The following ANKK1 variants were observed in gnomAD, a reference collection of about 807,000 sequenced individuals.
ANKK1 encodes ankyrin repeat and protein kinase domain-containing protein 1.
Under a neutral mutation model 37.6 loss-of-function variants are expected in ANKK1, and 37 were observed. The observed-to-expected ratio is 0.98, with a 90% CI of 0.76 to 1.29. The LOEUF (loss-of-function observed/expected upper bound fraction) is 1.29. ANKK1 is among the 50% of genes most tolerant of loss of function. The pLI is 0.00. For missense variants in ANKK1, 1,019 were observed against 990.6 expected, an observed-to-expected ratio of 1.03 and a Z score of -0.39; for synonymous variants, 415 against 418.7, an observed-to-expected ratio of 0.99 and a Z score of 0.11.
At chr11:113,393,810 C>G in intron 2 of ANKK1, 35 bp downstream of exon 2, 2 of 1,553,912 alleles carry the variant, frequency 1.3e-6, no homozygotes. Context: ...CTCCCTTTCA[C>G]TTGAGGGTTG....
intron 4 of ANKK1, among the ~76,000 whole-genome samples, chr11:113,395,638 C>T (rs1166354837): frequency 6.6e-6 from 1 of 152,218 alleles, no homozygotes; most frequent in African/African-American, 2.4e-5. Flanking sequence ...CCAGCCCATG[C>T]TTGGTGGCTC....
At chr11:113,388,092 C>G (rs768361670) in intron 1 of ANKK1, 23 bp downstream of exon 1, 2 of 1,451,596 alleles carry the variant, frequency 1.4e-6, no homozygotes, top group Admixed American at 2.4e-5. Context: ...TCGCCCTCCC[C>G]TTTCTCGGAG....
intron 1 of ANKK1, among the ~76,000 whole-genome samples, chr11:113,389,104 C>T (rs1449679588): frequency 3.3e-5 from 5 of 152,306 alleles, no homozygotes; most frequent in Non-Finnish European, 1.5e-5. Flanking sequence ...ACCTTCCTCC[C>T]TCAACATCTG....
chr11:113,395,187 C>A, intron 3 of ANKK1, 107 bp downstream of exon 3: 1 of 1,505,600 alleles, frequency 6.6e-7, no homozygotes, highest in South Asian at 1.3e-5. Flanking sequence ...GGCATGAGGT[C>A]TGGCCCAAGG....
intron 1 of ANKK1, 90 bp from the exon 2 acceptor site, chr11:113,393,391 T>A: frequency 7.1e-7 from 1 of 1,403,050 alleles, no homozygotes. Context: ...GTCCCCACAG[T>A]CTGGCATCAT....
chr11:113,394,686 T>C (rs1431921746), intron 2 of ANKK1: 1 of 649,952 alleles, frequency 1.5e-6, no homozygotes, highest in Non-Finnish European at 2.8e-6. Flanking sequence ...GTGCTCACAA[T>C]AGCACTGTGA....
intron 1 of ANKK1, among the ~76,000 whole-genome samples, chr11:113,390,948 T>C (rs527305283): frequency 6.6e-6 from 1 of 152,174 alleles, no homozygotes; most frequent in Non-Finnish European, 1.5e-5. Context: ...GGTTGAGAAG[T>C]CTGATTTTCC....
intron 5 of ANKK1, 118 bp downstream of exon 5, chr11:113,396,340 G>T: frequency 8.3e-7 from 1 of 1,207,592 alleles, no homozygotes; most frequent in Non-Finnish European, 1.1e-6. Flanking sequence ...GGCCTAGAAG[G>T]ACTTTTTTTT....
At chr11:113,398,307 G>A (rs1247178449) in intron 7 of ANKK1, among the ~76,000 whole-genome samples, 1 of 114,428 alleles carries the variant, frequency 8.7e-6, no homozygotes. Context: ...AGAATTGCTC[G>A]GGAAATTAAA....
In ANKK1 at chr11:113,400,068, C is replaced by A. The variant is rs918149045; in HGVS notation, c.2099C>A (p.Ala700Asp). The A allele has an allele frequency of 6.2e-7, 1 of 1,613,558 alleles. No homozygotes were observed. The highest frequency in any genetic ancestry group is 8.5e-7 in the Non-Finnish European group (1 of 1,179,834). Reference protein sequence around the residue: ...KVGWTPAHLAALKGNTAILKV... With the variant: ...KVGWTPAHLADLKGNTAILKV... The stretch of plus-strand genomic sequence containing the variant: ...GGCTGGACACCCGCCCACCTGGCCG[C>A]CCTCAAGGGCAACACAGCCATCCTC... The change falls in exon 8 of 8, where the codon GCC becomes GAC. Residue 700 changes from alanine to aspartate, a missense_variant. Coordinates refer to ENST00000303941, the MANE Select transcript of ANKK1 (RefSeq NM_178510.2).
chr11:113,393,355 C>A, intron 1 of ANKK1, 126 bp from the exon 2 acceptor site: 1 of 1,008,642 alleles, frequency 9.9e-7, no homozygotes, highest in Non-Finnish European at 1.5e-6. Flanking sequence ...CTTCCACTAC[C>A]TTGCAAGCTC....
chr11:113,399,872 C>T lies in ANKK1; in HGVS notation c.1903C>T (p.Arg635Cys), dbSNP rs759484490. Residue 635 changes from arginine (R) to cysteine (C), a missense_variant, in exon 8 of 8, where the codon CGC becomes TGC. By Grantham distance (180) the Arg-to-Cys change is radical. Coordinates refer to ENST00000303941, the MANE Select transcript of ANKK1 (RefSeq NM_178510.2). ...CTGGACTCCCCTGCACCTAGCTGCA[C>T]GCCACGGGGAGGAGGCGGTGGTGTC... is the stretch of plus-strand genomic sequence containing the variant. ...VNWTPLHLAARHGEEAVVSAL... is the reference protein window; with the variant it reads ...VNWTPLHLAACHGEEAVVSAL... 4.8e-5 allele frequency: 78 copies of T among 1,612,948 alleles called. No homozygotes were observed. The highest frequency in any genetic ancestry group is 3.8e-4 in the Admixed American group (23 of 59,932).
At chr11:113,395,642 G>T (rs754064683) in intron 4 of ANKK1, among the ~76,000 whole-genome samples, 1 of 152,164 alleles carries the variant, frequency 6.6e-6, no homozygotes, top group Admixed American at 6.5e-5. Context: ...CCCATGCTTG[G>T]TGGCTCTAAC....
In ANKK1 at chr11:113,395,342, G is replaced by C. The variant is rs751745565; in HGVS notation, c.633-17G>C. Reference sequence around the variant, plus strand: ...TGTTCAACTAAGTCATTCAGAAAGGGTTCTCTGCATCCACAGCTTTGCAAT... The same window carrying C: ...TGTTCAACTAAGTCATTCAGAAAGGCTTCTCTGCATCCACAGCTTTGCAAT... On this transcript the variant is annotated splice_polypyrimidine_tract_variant and intron_variant, in intron 3 of 7. Transcript: ENST00000303941. The C allele has an allele frequency of 1.2e-6, 2 of 1,613,740 alleles. No homozygotes were observed. Among genetic ancestry groups the C allele is most frequent in the Admixed American group, 3.3e-5 (2 of 59,996 alleles).
chr11:113,397,534 C>T (rs1489379087), intron 6 of ANKK1, among the ~76,000 whole-genome samples, 192 bp downstream of exon 6: 1 of 152,238 alleles, frequency 6.6e-6, no homozygotes, highest in African/African-American at 2.4e-5. Flanking sequence ...GAGCACAGGG[C>T]CCCTGGGAAG....
chr11:113,394,689 C>A, intron 2 of ANKK1: 1 of 655,012 alleles, frequency 1.5e-6, no homozygotes, highest in Non-Finnish European at 2.8e-6. Context: ...CTCACAATAG[C>A]ACTGTGAGTT....
chr11:113,394,238 C>T (rs1366913940), intron 2 of ANKK1, among the ~76,000 whole-genome samples: 1 of 152,168 alleles, frequency 6.6e-6, no homozygotes, highest in African/African-American at 2.4e-5. Context: ...GGAGCTCTTC[C>T]CTGATCTACT....
chr11:113,393,981 A>T (rs1290725084), intron 2 of ANKK1, among the ~76,000 whole-genome samples: 2 of 152,228 alleles, frequency 1.3e-5, no homozygotes, highest in African/African-American at 2.4e-5. Context: ...TGCCTATAAT[A>T]ACCCTCTTTG....
chr11:113,394,548 C>G (rs1950620799), intron 2 of ANKK1, among the ~76,000 whole-genome samples: 1 of 152,118 alleles, frequency 6.6e-6, no homozygotes, highest in South Asian at 2.1e-4. Flanking sequence ...TTTCAGGGCC[C>G]CCGGAGGTGC....
Sources: gnomAD v4.1 joint callset for allele counts (sites outside exome capture counted in the v4.1 genomes callset) on GRCh38, gnomAD v4.1.1 for gene constraint, MANE v1.5 for transcripts, NCBI Gene and HGNC (gene_info 2026-07-23, HGNC 2026-07-21) for gene names.